Variants in ZNF827 observed in about 807,000 individuals in gnomAD.
The protein encoded by ZNF827 is zinc finger protein 827.
A neutral mutation model predicts 102.4 loss-of-function variants in ZNF827; 13 were observed. The observed-to-expected ratio is 0.13, with a 90% CI of 0.08 to 0.20. ZNF827 has a LOEUF of 0.20. Among genes scored for constraint, ZNF827 ranks in the 10% least tolerant of loss-of-function variants. ZNF827 has a pLI of 1.00. For synonymous variants in ZNF827, 523 were observed against 536.2 expected (o/e 0.98, Z 0.34); for missense variants, 1,103 against 1,344.4 (o/e 0.82, Z 2.81).
intron 8 of ZNF827, among the ~76,000 whole-genome samples, chr4:145,784,279 C>T (rs528852344): frequency 1.6e-4 from 25 of 152,300 alleles, no homozygotes; most frequent in Non-Finnish European, 2.4e-4. Context: ...GCTGAGTGAA[C>T]GCCAGCAACC....
At chr4:145,778,799 A>G (rs1336530844) in intron 9 of ZNF827, among the ~76,000 whole-genome samples, 1 of 152,144 alleles carries the variant, frequency 6.6e-6, no homozygotes, top group Non-Finnish European at 1.5e-5. Flanking sequence ...GAAATGTTTG[A>G]TTTTATTATT....
chr4:145,929,575 C>A (rs543011711), intron 1 of ZNF827, among the ~76,000 whole-genome samples: 3 of 151,900 alleles, frequency 2.0e-5, no homozygotes, highest in Non-Finnish European at 2.9e-5. Flanking sequence ...ATTAGTCAAG[C>A]CCTACAATAA....
intron 1 of ZNF827, among the ~76,000 whole-genome samples, chr4:145,922,335 T>C (rs1043553256): frequency 1.3e-5 from 2 of 152,216 alleles, no homozygotes; most frequent in Non-Finnish European, 2.9e-5. Flanking sequence ...TACTAAGCTA[T>C]CATTTGCCCT....
rs555071856 is a variant in ZNF827 at position 145,879,773 on chromosome 4, T to G, written c.1747+5905A>C. Among the ~76,000 whole-genome samples, 11 of 152,336 alleles carry G rather than the reference T, an allele frequency of 7.2e-5. No individual in the cohort carries two copies. In the South Asian group the frequency reaches 2.3e-3, roughly 32 times the overall value. Reference sequence around the variant, plus strand: ...ACTATTAACACAAATTCTAAAGCTGTCTGACATAACAACATCCAGAACATG... The same window carrying G: ...ACTATTAACACAAATTCTAAAGCTGGCTGACATAACAACATCCAGAACATG... On this transcript the variant is annotated intron_variant, in intron 4 of 14. Coordinates refer to ENST00000508784, the MANE Select transcript of ZNF827 (RefSeq NM_001306215.2).
At position 145,757,733 on chromosome 4, in the gene ZNF827, T is replaced by C. The variant is rs563543711; in HGVS notation, c.*3883A>G. On this transcript the variant is annotated 3_prime_UTR_variant, in exon 15 of 15. Coordinates refer to ENST00000508784, the MANE Select transcript of ZNF827 (RefSeq NM_001306215.2). ...AGATGCAAAGGAATATACCAGTTACTGTCAAAATGACCCTGTACAGCCTCG... is the reference window on the plus strand; with the variant it reads ...AGATGCAAAGGAATATACCAGTTACCGTCAAAATGACCCTGTACAGCCTCG... 2.6e-5 allele frequency: 4 copies of C among 152,198 alleles called. No homozygotes were observed. The highest frequency in any genetic ancestry group is 1.3e-4 in the Admixed American group (2 of 15,290). The allele number at this position is 152,198 out of a possible 1,614,324, so 9.4% of individuals were successfully genotyped here.
At chr4:145,774,696 G>T (rs1560903970) in intron 10 of ZNF827, 24 bp from the exon 11 acceptor site, 2 of 1,605,190 alleles carry the variant, frequency 1.2e-6, no homozygotes, top group Admixed American at 1.7e-5. Flanking sequence ...TAAAAGAAAA[G>T]AGGGGGAGAG....
At chr4:145,900,465 A>G (rs1751325848) in intron 2 of ZNF827, among the ~76,000 whole-genome samples, 1 of 151,964 alleles carries the variant, frequency 6.6e-6, no homozygotes, top group South Asian at 2.1e-4. Flanking sequence ...GCTGGACTGC[A>G]GTGACACGAT....
intron 8 of ZNF827, among the ~76,000 whole-genome samples, chr4:145,796,049 T>A (rs996107126): frequency 1.3e-5 from 2 of 152,194 alleles, no homozygotes; most frequent in Non-Finnish European, 2.9e-5. Flanking sequence ...CACTGAACCA[T>A]TCTTTCAGGT....
intron 4 of ZNF827, among the ~76,000 whole-genome samples, chr4:145,873,498 C>T (rs556572457): frequency 1.3e-5 from 2 of 152,214 alleles, no homozygotes; most frequent in African/African-American, 2.4e-5. Context: ...GGCCTTTCTA[C>T]CTAGACCACA....
intron 4 of ZNF827, 26 bp downstream of exon 4, chr4:145,885,645 AGAGAGAG>A: frequency 6.6e-7 from 1 of 1,505,216 alleles, no homozygotes; most frequent in Non-Finnish European, 8.9e-7. Flanking sequence ...AGAGAGAGAG[AGAGAGAG>A]AGAGAATACA....
chr4:145,819,475 T>TAC (rs1742933206), intron 8 of ZNF827, among the ~76,000 whole-genome samples: 1 of 152,296 alleles, frequency 6.6e-6, no homozygotes, highest in South Asian at 2.1e-4. Flanking sequence ...TGGCAATGGG[T>TAC]CTGCTTTTAA....
intron 5 of ZNF827, among the ~76,000 whole-genome samples, chr4:145,865,760 T>C (rs886268317): frequency 9.2e-5 from 14 of 152,230 alleles, no homozygotes; most frequent in Admixed American, 7.9e-4. Flanking sequence ...TATTGTTCTA[T>C]CTTCCTGTTT....
intron 8 of ZNF827, among the ~76,000 whole-genome samples, chr4:145,784,154 T>C (rs1738510445): frequency 1.3e-5 from 2 of 152,314 alleles, no homozygotes; most frequent in Admixed American, 1.3e-4. Flanking sequence ...TCATGCTTCC[T>C]GTACAGCCTA....
At chr4:145,860,629 A>C (rs1217854480) in intron 5 of ZNF827, among the ~76,000 whole-genome samples, 1 of 152,212 alleles carries the variant, frequency 6.6e-6, no homozygotes, top group Non-Finnish European at 1.5e-5. Flanking sequence ...AAACCAGGAA[A>C]TGTGCTTGAA....
At chr4:145,866,942 C>A (rs1004814162) in intron 5 of ZNF827, among the ~76,000 whole-genome samples, 3 of 152,188 alleles carry the variant, frequency 2.0e-5, no homozygotes, top group African/African-American at 7.2e-5. Flanking sequence ...GCAAGGTGAC[C>A]AGACATTGCA....
intron 8 of ZNF827, among the ~76,000 whole-genome samples, chr4:145,799,447 G>C (rs930594520): frequency 3.9e-5 from 6 of 152,280 alleles, no homozygotes; most frequent in African/African-American, 1.2e-4. Context: ...CAGGATGAAT[G>C]TAATAGAGTA....
chr4:145,832,079 A>G (rs945484822), intron 7 of ZNF827: 2 of 152,236 alleles, frequency 1.3e-5, no homozygotes, highest in African/African-American at 2.4e-5. Context: ...CTTGGGCAAC[A>G]TGGCAGAAAC....
intron 8 of ZNF827, among the ~76,000 whole-genome samples, chr4:145,806,326 T>C (rs890302864): frequency 6.6e-6 from 1 of 151,762 alleles, no homozygotes; most frequent in African/African-American, 2.4e-5. Flanking sequence ...TACTTTTTTT[T>C]TGTATTTTTG....
chr4:145,761,496 C>A lies in ZNF827; in HGVS notation c.*120G>T, dbSNP rs566282354. 7.8e-6 allele frequency: 10 copies of A among 1,289,854 alleles called. No individual in the cohort carries two copies. The East Asian group carries it at 5.0e-4, about 64-fold the overall frequency. The allele number at this position is 1,289,854 out of a possible 1,614,324, so 79.9% of individuals were successfully genotyped here. ...TCTCCAGCTCCAGCTGGTTGGCCTT[C>A]ACCGTCTGGCAGATCCGGCACTTGT... On this transcript the variant is annotated 3_prime_UTR_variant, in exon 15 of 15. Coordinates refer to ENST00000508784, the MANE Select transcript of ZNF827 (RefSeq NM_001306215.2). The surrounding 1 kb of genome is among the most constrained non-coding windows in gnomAD (Gnocchi z 6.8).
Sources: allele counts gnomAD v4.1 joint callset (sites outside exome capture counted in the v4.1 genomes callset), GRCh38; gene constraint gnomAD v4.1.1; non-coding constraint Gnocchi (gnomAD v3.1); transcripts MANE v1.5; gene names NCBI Gene and HGNC (gene_info 2026-07-23, HGNC 2026-07-21).